The following TNR variants were observed in gnomAD, a reference collection of about 807,000 sequenced individuals.
The protein encoded by TNR is tenascin R.
Under a neutral mutation model 150.4 loss-of-function variants are expected in TNR, and 45 were observed. The observed-to-expected ratio is 0.30, with a 90% CI of 0.24 to 0.38. The LOEUF is 0.38. Ranked by LOEUF, TNR falls within the 10% of genes least tolerant of loss-of-function variation. The pLI, the probability that TNR is intolerant of heterozygous loss-of-function variation, is 1.00. For missense variants in TNR, 1,544 were observed against 1,759.1 expected, an observed-to-expected ratio of 0.88 and a Z score of 2.19; for synonymous variants, 687 against 678.4, an observed-to-expected ratio of 1.01 and a Z score of -0.20.
At chr1:175,602,112 T>C (rs1663259999) in intron 1 of TNR, among the ~76,000 whole-genome samples, 2 of 149,184 alleles carry the variant, frequency 1.3e-5, no homozygotes, top group South Asian at 2.1e-4. Flanking sequence ...CTGCTTTAAA[T>C]TGATAATATA....
At chr1:175,498,489 G>A (rs1409150110) in intron 2 of TNR, among the ~76,000 whole-genome samples, 1 of 152,234 alleles carries the variant, frequency 6.6e-6, no homozygotes, top group Non-Finnish European at 1.5e-5. Flanking sequence ...GTCTGCTGAT[G>A]AGAATACCCA....
chr1:175,392,859 G>A (rs1295405236), intron 6 of TNR, among the ~76,000 whole-genome samples: 1 of 152,122 alleles, frequency 6.6e-6, no homozygotes, highest in Non-Finnish European at 1.5e-5. Context: ...TAAAATGAGG[G>A]GTCGTACCTG....
chr1:175,344,888 C>T (rs187205366), intron 18 of TNR, among the ~76,000 whole-genome samples: 24 of 152,194 alleles, frequency 1.6e-4, no homozygotes, highest in African/African-American at 4.8e-4. Context: ...AAAACAAAAA[C>T]AGAACCAAAA....
chr1:175,323,835 G>A (rs1649203150), intron 22 of TNR, among the ~76,000 whole-genome samples: 2 of 152,206 alleles, frequency 1.3e-5, no homozygotes, highest in Admixed American at 1.3e-4. Flanking sequence ...CTCCTAATGG[G>A]AGACTTAGGC....
Position 175,529,275 on chromosome 1 carries a change from C to T in TNR, c.-164-906G>A, listed in dbSNP as rs539611688. ...AGAGGATGGATTTGCAAAAATCAGGCGACATCTGAGAGAGGAAGAAGCAAG... is the reference window on the plus strand; with the variant it reads ...AGAGGATGGATTTGCAAAAATCAGGTGACATCTGAGAGAGGAAGAAGCAAG... On this transcript the variant is annotated intron_variant, in intron 1 of 22. Coordinates refer to ENST00000367674, the MANE Select transcript of TNR (RefSeq NM_003285.3). Among the ~76,000 whole-genome samples, 83 of 152,250 alleles carry T rather than the reference C, an allele frequency of 5.5e-4. 2 individuals are homozygous for T. In the South Asian group the frequency reaches 0.016, roughly 29 times the overall value.
rs1464419575 is a variant in TNR at position 175,657,883 on chromosome 1, A to ATATATATATGTG, written c.-165+85342_-165+85343insCACATATATATA. Among the ~76,000 whole-genome samples, 415 of 101,106 alleles carry ATATATATATGTG rather than the reference A, an allele frequency of 4.1e-3. 31 individuals are homozygous for ATATATATATGTG. The highest frequency in any genetic ancestry group is 0.014 in the East Asian group (60 of 4,176). The allele number at this position is 101,106 out of a possible 152,430, so 66.3% of individuals were successfully genotyped here. On this transcript the variant is annotated intron_variant, in intron 1 of 22. Coordinates refer to ENST00000367674, the MANE Select transcript of TNR (RefSeq NM_003285.3). ...TATATATATATATATATATATATAT[A>ATATATATATGTG]TGTAACAAACCTGCACGTTGTGCAC...
intron 1 of TNR, among the ~76,000 whole-genome samples, chr1:175,646,363 C>A (rs1422916784): frequency 6.6e-6 from 1 of 152,214 alleles, no homozygotes; most frequent in African/African-American, 2.4e-5. Context: ...GAGCACCAAG[C>A]TTCCAGGATG....
rs764867229 is a variant in TNR, at chr1:175,386,236, T to A, written c.1573A>T (p.Ile525Phe). The change falls in exon 8 of 23, where the codon ATT (isoleucine) becomes TTT (phenylalanine). Residue 525 changes from isoleucine (I) to phenylalanine (F), a missense_variant. Transcript: ENST00000367674. ...VSDTVAFVEWIPPRAKVDFIL... is the reference protein window; with the variant it reads ...VSDTVAFVEWFPPRAKVDFIL... Reference sequence around the variant, plus strand: ...AAATCGACTTTGGCTCGAGGGGGAATCCACTCCACAAAAGCCACAGTGTCC... The same window carrying A: ...AAATCGACTTTGGCTCGAGGGGGAAACCACTCCACAAAAGCCACAGTGTCC... 1.2e-6 allele frequency: 2 copies of A among 1,606,450 alleles called. No homozygotes were observed. Among genetic ancestry groups the A allele is most frequent in the Non-Finnish European group, 1.7e-6 (2 of 1,173,950 alleles).
At chr1:175,590,320 T>C (rs1480969255) in intron 1 of TNR, among the ~76,000 whole-genome samples, 2 of 152,234 alleles carry the variant, frequency 1.3e-5, no homozygotes, top group African/African-American at 4.8e-5. Context: ...TGATATTTCA[T>C]TTATCATAGA....
At chr1:175,461,494 C>T (rs191390828) in intron 2 of TNR, among the ~76,000 whole-genome samples, 27 of 152,262 alleles carry the variant, frequency 1.8e-4, no homozygotes, top group African/African-American at 3.6e-4. Flanking sequence ...ATGGTTTTAT[C>T]GGGGCCCTTT....
chr1:175,528,119 T>C (rs925119564), intron 2 of TNR, 150 bp downstream of exon 2: 4 of 152,234 alleles, frequency 2.6e-5, no homozygotes, highest in Admixed American at 1.3e-4. Flanking sequence ...GAGGAGCTAA[T>C]GCTGTTGACC....
chr1:175,386,673 G>A (rs1652951233), intron 7 of TNR, among the ~76,000 whole-genome samples: 1 of 152,228 alleles, frequency 6.6e-6, no homozygotes, highest in South Asian at 2.1e-4. Context: ...CTGCCACTCA[G>A]CTCTCACCTC....
intron 1 of TNR, among the ~76,000 whole-genome samples, chr1:175,611,653 C>T (rs1663604767): frequency 6.6e-6 from 1 of 152,160 alleles, no homozygotes; most frequent in African/African-American, 2.4e-5. Context: ...CTCTCTTGAT[C>T]TCCATCTCTT....
At chr1:175,447,078 C>T (rs115276794) in intron 2 of TNR, among the ~76,000 whole-genome samples, 1,876 of 152,268 alleles carry the variant, frequency 0.012, 40 homozygotes, top group African/African-American at 0.041. Context: ...TACGCATATT[C>T]GTGTGTGTTC....
chr1:175,345,567 GAAT>G (rs1485472783), intron 18 of TNR, among the ~76,000 whole-genome samples: 1 of 152,102 alleles, frequency 6.6e-6, no homozygotes, highest in Non-Finnish European at 1.5e-5. Flanking sequence ...CAGATAGGGT[GAAT>G]AAGGGATTTA....
chr1:175,506,593 G>C (rs1390542077), intron 2 of TNR, among the ~76,000 whole-genome samples: 2 of 152,240 alleles, frequency 1.3e-5, no homozygotes, highest in Non-Finnish European at 2.9e-5. Flanking sequence ...CCTGTGAGGA[G>C]GCAGTGAGAA....
intron 1 of TNR, among the ~76,000 whole-genome samples, chr1:175,616,595 G>A (rs544796408): frequency 5.3e-5 from 8 of 152,310 alleles, no homozygotes; most frequent in Admixed American, 5.2e-4. Flanking sequence ...GAGCTGAGGG[G>A]ATCACGGGGC....
chr1:175,739,963 G>A (rs1338253017), intron 1 of TNR, among the ~76,000 whole-genome samples: 1 of 152,266 alleles, frequency 6.6e-6, no homozygotes, highest in Admixed American at 6.5e-5. Context: ...AATAACTCAG[G>A]TCAGCTCTGA....
chr1:175,705,432 G>C (rs1213158757), intron 1 of TNR, among the ~76,000 whole-genome samples: 1 of 152,154 alleles, frequency 6.6e-6, no homozygotes, highest in Non-Finnish European at 1.5e-5. Flanking sequence ...TTAAATGTAA[G>C]TGTTCTCTAC....
Sources: allele counts gnomAD v4.1 joint callset (sites outside exome capture counted in the v4.1 genomes callset), GRCh38; gene constraint gnomAD v4.1.1; transcripts MANE v1.5; gene names NCBI Gene and HGNC (gene_info 2026-07-23, HGNC 2026-07-21).